The following GRK3 variants were observed in gnomAD, a reference collection of about 807,000 sequenced individuals.
GRK3 encodes the protein G protein-coupled receptor kinase 3, also known as adrenergic, beta, receptor kinase 2.
A neutral mutation model predicts 95.7 loss-of-function variants in GRK3; 54 were observed. That is an observed-to-expected ratio of 0.56 (90% CI 0.45 to 0.71). GRK3 has a LOEUF of 0.71. GRK3 is among the 30% of genes least tolerant of loss of function. The pLI is 0.00. For synonymous variants in GRK3, 281 were observed against 290.8 expected, an observed-to-expected ratio of 0.97 and a Z score of 0.34; for missense variants, 649 against 851.2, an observed-to-expected ratio of 0.76 and a Z score of 2.96.
At chr22:25,644,525 A>G in intron 2 of GRK3, 67 bp from the exon 3 acceptor site, 5 of 759,854 alleles carry the variant, frequency 6.6e-6, no homozygotes, top group Non-Finnish European at 1.1e-5. Flanking sequence ...ATTGCTTTGA[A>G]AACACCCTTG....
intron 3 of GRK3, among the ~76,000 whole-genome samples, chr22:25,649,723 TA>T (rs2084814476): frequency 6.6e-6 from 1 of 152,214 alleles, no homozygotes; most frequent in African/African-American, 2.4e-5. Flanking sequence ...TTTTCTGAGT[TA>T]AATAGTCAAT....
chr22:25,608,089 A>G (rs1015108739), intron 2 of GRK3, among the ~76,000 whole-genome samples: 9 of 152,222 alleles, frequency 5.9e-5, no homozygotes, highest in African/African-American at 1.9e-4. Flanking sequence ...GGTCGGTGTC[A>G]GTTTCTCATT....
chr22:25,618,360 A>G lies in GRK3; in HGVS notation c.190+13907A>G, dbSNP rs1434118754. ...GTGAAATGTCTTTTATCCTGGCAAT[A>G]TATTGCTCTGGTGTCTACTTTGTCT... On this transcript the variant is annotated intron_variant, in intron 2 of 20. Coordinates refer to ENST00000324198, the MANE Select transcript of GRK3 (RefSeq NM_005160.4). Among the ~76,000 whole-genome samples the G allele has an allele frequency of 3.3e-5, 5 of 152,212 alleles. No homozygotes were observed. In the East Asian group the frequency reaches 5.8e-4, roughly 18 times the overall value.
At chr22:25,623,877 A>G (rs1421855017) in intron 2 of GRK3, among the ~76,000 whole-genome samples, 4 of 152,118 alleles carry the variant, frequency 2.6e-5, no homozygotes, top group African/African-American at 9.7e-5. Flanking sequence ...GCTATCCTAT[A>G]TTAATTTTTT....
intron 1 of GRK3, among the ~76,000 whole-genome samples, chr22:25,570,346 T>G (rs1463734751): frequency 6.6e-6 from 1 of 152,238 alleles, no homozygotes; most frequent in Non-Finnish European, 1.5e-5. Flanking sequence ...CTACTGTCTT[T>G]TTATTTAGAA....
intron 3 of GRK3, among the ~76,000 whole-genome samples, chr22:25,646,734 A>G (rs1429378213): frequency 1.3e-5 from 2 of 152,180 alleles, no homozygotes; most frequent in Non-Finnish European, 2.9e-5. Context: ...TTAAAAAAAG[A>G]CAGTGAGGCT....
chr22:25,614,194 C>T (rs550999717), intron 2 of GRK3, among the ~76,000 whole-genome samples: 122 of 152,246 alleles, frequency 8.0e-4, no homozygotes, highest in African/African-American at 2.7e-3. Flanking sequence ...GTGGTACACT[C>T]TCAGCTCACT....
At chr22:25,569,522 G>A (rs529091914) in intron 1 of GRK3, among the ~76,000 whole-genome samples, 148 of 152,316 alleles carry the variant, frequency 9.7e-4, no homozygotes, top group African/African-American at 3.3e-3. Context: ...CTTAGAGACA[G>A]CCTCTTACAG....
intron 2 of GRK3, among the ~76,000 whole-genome samples, chr22:25,623,396 G>A (rs2084601729): frequency 6.6e-6 from 1 of 152,188 alleles, no homozygotes; most frequent in Non-Finnish European, 1.5e-5. Context: ...GCTGCTCTCT[G>A]TCTCCTGTGT....
chr22:25,642,244 C>T (rs924253212), intron 2 of GRK3, among the ~76,000 whole-genome samples: 1 of 152,254 alleles, frequency 6.6e-6, no homozygotes, highest in East Asian at 1.9e-4. Context: ...ACCAGTCTGG[C>T]CAACATGGTG....
At chr22:25,606,374 G>T (rs2146342278) in intron 2 of GRK3, among the ~76,000 whole-genome samples, 1 of 152,294 alleles carries the variant, frequency 6.6e-6, no homozygotes, top group South Asian at 2.1e-4. Flanking sequence ...CTGTAATTAC[G>T]TTTTGACGGA....
chr22:25,678,312 G>A (rs145201982), intron 8 of GRK3, among the ~76,000 whole-genome samples: 2,412 of 152,194 alleles, frequency 0.016, 32 homozygotes, highest in Middle Eastern at 0.065. Context: ...AAAATTAGCC[G>A]GTCATGGTGG....
intron 7 of GRK3, among the ~76,000 whole-genome samples, chr22:25,672,933 G>T (rs1225638745): frequency 6.7e-6 from 1 of 150,228 alleles, no homozygotes; most frequent in Non-Finnish European, 1.5e-5. Context: ...ACATTTCTTT[G>T]CACAGTCTTT....
chr22:25,667,621 C>T, intron 5 of GRK3, 118 bp from the exon 6 acceptor site: 1 of 659,442 alleles, frequency 1.5e-6, no homozygotes, highest in East Asian at 2.6e-5. Context: ...AGGTACCAGA[C>T]ACAATGCTAT....
chr22:25,686,032 T>C (rs2085110663), intron 10 of GRK3, among the ~76,000 whole-genome samples: 1 of 151,780 alleles, frequency 6.6e-6, no homozygotes, highest in South Asian at 2.1e-4. Context: ...CCATCCTGGC[T>C]AACACTGTGA....
chr22:25,716,022 T>C (rs1302444747), intron 18 of GRK3, among the ~76,000 whole-genome samples: 1 of 152,178 alleles, frequency 6.6e-6, no homozygotes, highest in African/African-American at 2.4e-5. Flanking sequence ...AGTCTCACAC[T>C]GTCACCCAGG....
chr22:25,609,936 C>T (rs571279720), intron 2 of GRK3, among the ~76,000 whole-genome samples: 1 of 151,220 alleles, frequency 6.6e-6, no homozygotes, highest in South Asian at 2.1e-4. Flanking sequence ...CCATCTCTGC[C>T]TTCCCAGTTC....
At chr22:25,622,917 A>C (rs1006923783) in intron 2 of GRK3, among the ~76,000 whole-genome samples, 4 of 152,130 alleles carry the variant, frequency 2.6e-5, no homozygotes, top group Admixed American at 2.0e-4. Context: ...TTAGGGGAAT[A>C]AATACATTCT....
chr22:25,611,831 CT>C (rs752711382), intron 2 of GRK3, among the ~76,000 whole-genome samples: 2,249 of 118,734 alleles, frequency 0.019, 12 homozygotes, highest in Non-Finnish European at 0.026. Flanking sequence ...AGTTTAGTGT[CT>C]TTTTTTTTTT....
Sources: gnomAD v4.1 joint callset for allele counts (sites outside exome capture counted in the v4.1 genomes callset) on GRCh38, gnomAD v4.1.1 for gene constraint, MANE v1.5 for transcripts, NCBI Gene and HGNC (gene_info 2026-07-23, HGNC 2026-07-21) for gene names.